POLR3G: variants seen among roughly 807,000 people sequenced by gnomAD.
The protein encoded by POLR3G is DNA-directed RNA polymerase III subunit RPC7.
In POLR3G, 28 loss-of-function variants were observed where a neutral mutation model predicts 30.1. That is an observed-to-expected ratio of 0.93 (90% CI 0.69 to 1.27). The LOEUF is 1.27. Among genes scored for constraint, POLR3G ranks in the 50% most tolerant of loss-of-function variants. The pLI is 0.00. For missense variants in POLR3G, 254 were observed against 264.6 expected, an observed-to-expected ratio of 0.96 and a Z score of 0.28; for synonymous variants, 79 against 82.5, an observed-to-expected ratio of 0.96 and a Z score of 0.23.
At chr5:90,483,586 C>G (rs1751258827) in intron 1 of POLR3G, among the ~76,000 whole-genome samples, 1 of 152,044 alleles carries the variant, frequency 6.6e-6, no homozygotes, top group Admixed American at 6.5e-5. Context: ...AGGCAGATCA[C>G]TTGAGGTCAG....
upstream of POLR3G, chr5:90,474,071 G>A: frequency 3.8e-6 from 6 of 1,576,672 alleles, no homozygotes; most frequent in Non-Finnish European, 4.3e-6. Flanking sequence ...GCAGTGGCCG[G>A]CGCGCCGCGT....
intron 5 of POLR3G, among the ~76,000 whole-genome samples, chr5:90,498,875 T>A (rs552184623): frequency 6.6e-6 from 1 of 152,270 alleles, no homozygotes; most frequent in Non-Finnish European, 1.5e-5. Context: ...GAGCTTGTAG[T>A]CAAATGGGGT....
chr5:90,479,679 G>A (rs985029685), intron 1 of POLR3G, among the ~76,000 whole-genome samples: 2 of 152,066 alleles, frequency 1.3e-5, no homozygotes, highest in African/African-American at 4.8e-5. Context: ...TGTTGTGGTT[G>A]CTGAGGGACT....
chr5:90,474,591 C>A (rs1244736067), upstream of POLR3G: 3 of 434,786 alleles, frequency 6.9e-6, no homozygotes, highest in African/African-American at 2.1e-5. Flanking sequence ...CACGAGAGAG[C>A]TTTAACGCAG....
At chr5:90,494,206 G>T (rs1168080336) in intron 3 of POLR3G, among the ~76,000 whole-genome samples, 2 of 151,990 alleles carry the variant, frequency 1.3e-5, no homozygotes, top group African/African-American at 4.8e-5. Context: ...TGTTTTCAAG[G>T]TTCATTCATG....
chr5:90,506,479 C>T (rs1287803629), intron 6 of POLR3G, 49 bp from the exon 7 acceptor site: 3 of 1,574,368 alleles, frequency 1.9e-6, no homozygotes, highest in South Asian at 2.4e-5. Context: ...GCAGGGAAGT[C>T]AGCAGTCTAG....
intron 7 of POLR3G, among the ~76,000 whole-genome samples, chr5:90,510,271 G>A (rs1354698582): frequency 6.6e-6 from 1 of 151,994 alleles, no homozygotes; most frequent in Admixed American, 6.5e-5. Context: ...CCGGCTACTC[G>A]GGAGGCTGAG....
At chr5:90,504,406 A>G (rs1416395101) in intron 6 of POLR3G, among the ~76,000 whole-genome samples, 1 of 151,850 alleles carries the variant, frequency 6.6e-6, no homozygotes, top group African/African-American at 2.4e-5. Flanking sequence ...TAAAAATTCA[A>G]AAAAAATTAG....
intron 3 of POLR3G, among the ~76,000 whole-genome samples, chr5:90,493,597 A>T (rs1319755502): frequency 6.6e-6 from 1 of 150,472 alleles, no homozygotes; most frequent in Non-Finnish European, 1.5e-5. Flanking sequence ...AATCCACTAT[A>T]TAAAATTTAC....
intron 2 of POLR3G, among the ~76,000 whole-genome samples, chr5:90,486,322 C>T (rs1751437503): frequency 6.6e-6 from 1 of 152,188 alleles, no homozygotes; most frequent in South Asian, 2.1e-4. Flanking sequence ...AGACAAATAT[C>T]TCAGGTATTG....
At chr5:90,498,862 A>G (rs1477744428) in intron 5 of POLR3G, among the ~76,000 whole-genome samples, 2 of 152,188 alleles carry the variant, frequency 1.3e-5, no homozygotes, top group African/African-American at 2.4e-5. Flanking sequence ...CCTTGTCCTC[A>G]TGGAGCTTGT....
At chr5:90,509,750 T>C (rs899638192) in intron 7 of POLR3G, among the ~76,000 whole-genome samples, 2 of 152,106 alleles carry the variant, frequency 1.3e-5, no homozygotes, top group African/African-American at 4.8e-5. Flanking sequence ...TAAATCGGTA[T>C]GGCGGGACTA....
chr5:90,508,025 T>C (rs1284153968), intron 7 of POLR3G, among the ~76,000 whole-genome samples: 1 of 152,170 alleles, frequency 6.6e-6, no homozygotes, highest in East Asian at 1.9e-4. Context: ...TCATTTCCAT[T>C]CTCTACCTAT....
At chr5:90,507,101 A>C (rs73771278) in intron 7 of POLR3G, among the ~76,000 whole-genome samples, 3,750 of 152,322 alleles carry the variant, frequency 0.025, 131 homozygotes, top group African/African-American at 0.085. Context: ...AAGATTGATA[A>C]TTTAACCTCA....
chr5:90,509,963 C>CATATTTGAAAGCT (rs1332913575), intron 7 of POLR3G, among the ~76,000 whole-genome samples: 1 of 152,098 alleles, frequency 6.6e-6, no homozygotes, highest in Admixed American at 6.6e-5. Flanking sequence ...AAGTTTGGGT[C>CATATTTGAAAGCT]ATATTTGAAA....
chr5:90,510,677 A>T (rs1466298705), intron 7 of POLR3G, among the ~76,000 whole-genome samples: 2 of 152,016 alleles, frequency 1.3e-5, no homozygotes, highest in South Asian at 2.1e-4. Context: ...ATATTGCCAA[A>T]TTTTTTTGGC....
chr5:90,487,248 A>G (rs1304615310), intron 2 of POLR3G, among the ~76,000 whole-genome samples: 1 of 151,938 alleles, frequency 6.6e-6, no homozygotes, highest in Non-Finnish European at 1.5e-5. Flanking sequence ...CACTTACTAA[A>G]TGATAGCTGC....
At chr5:90,480,199 A>G (rs1315068390) in intron 1 of POLR3G, among the ~76,000 whole-genome samples, 1 of 152,168 alleles carries the variant, frequency 6.6e-6, no homozygotes, top group African/African-American at 2.4e-5. Context: ...TTTATTCTAG[A>G]GTTTGGTGTA....
Position 90,478,450 on chromosome 5 carries a change from G to A in POLR3G, c.-44+3430G>A, listed in dbSNP as rs952228818. 3.3e-5 allele frequency among the ~76,000 whole-genome samples: 5 copies of A among 152,036 alleles called. No individual in the cohort carries two copies. In the South Asian group the frequency reaches 1.0e-3, roughly 32 times the overall value. ...AGTGTAATGCAAATGGAAGAACAGT[G>A]GAAAGGTAAAGCAGTCCTGCTTTTG... On this transcript the variant is annotated intron_variant, in intron 1 of 7. Transcript: ENST00000651687.
Sources: allele counts gnomAD v4.1 joint callset (sites outside exome capture counted in the v4.1 genomes callset), GRCh38; gene constraint gnomAD v4.1.1; transcripts MANE v1.5; gene names NCBI Gene and HGNC (gene_info 2026-07-23, HGNC 2026-07-21).